Variants in ZNF366 observed in about 807,000 individuals in gnomAD.
ZNF366 encodes dendritic cell-specific transcript protein.
Under a neutral mutation model 47.2 loss-of-function variants are expected in ZNF366, and 20 were observed. The observed-to-expected ratio is 0.42, with a 90% CI of 0.30 to 0.62. The LOEUF (loss-of-function observed/expected upper bound fraction) is 0.62, where lower values mean the gene tolerates loss of function less well. Ranked by LOEUF, ZNF366 falls within the 20% of genes least tolerant of loss-of-function variation. ZNF366 has a pLI of 0.16. For missense variants in ZNF366, 987 were observed against 976.3 expected (o/e 1.01, Z -0.15); for synonymous variants, 421 against 395.1 (o/e 1.07, Z -0.78).
intron 3 of ZNF366, among the ~76,000 whole-genome samples, chr5:72,451,621 C>T (rs16878635): frequency 0.19 from 28,864 of 152,196 alleles, 3,049 homozygotes; most frequent in East Asian, 0.48. Flanking sequence ...GATTCTTTTA[C>T]ATTCCAGAAA....
intron 1 of ZNF366, among the ~76,000 whole-genome samples, chr5:72,503,686 T>A (rs1477163524): frequency 2.0e-5 from 3 of 152,220 alleles, no homozygotes; most frequent in South Asian, 4.1e-4. Flanking sequence ...AGAACAGCAG[T>A]GTTCTGACTC....
chr5:72,494,708 C>T (rs543206645), intron 1 of ZNF366, among the ~76,000 whole-genome samples: 12 of 151,684 alleles, frequency 7.9e-5, no homozygotes, highest in African/African-American at 2.9e-4. Flanking sequence ...AGATAAAACC[C>T]TTGCTTCTGC....
chr5:72,478,409 G>C (rs1014119863), intron 1 of ZNF366, among the ~76,000 whole-genome samples: 1 of 152,178 alleles, frequency 6.6e-6, no homozygotes, highest in Non-Finnish European at 1.5e-5. Flanking sequence ...CCATTTTATG[G>C]ATGAGAAATC....
intron 2 of ZNF366, among the ~76,000 whole-genome samples, chr5:72,456,940 T>C (rs1743201365): frequency 6.6e-6 from 1 of 152,114 alleles, no homozygotes; most frequent in Non-Finnish European, 1.5e-5. Context: ...TGATATGCAA[T>C]ATGAGTCCAT....
intron 1 of ZNF366, among the ~76,000 whole-genome samples, chr5:72,474,970 T>C (rs1386175648): frequency 6.6e-6 from 1 of 152,300 alleles, no homozygotes; most frequent in East Asian, 1.9e-4. Flanking sequence ...AGGGGTAGCA[T>C]AAAAGAATTG....
chr5:72,482,505 C>T (rs1743808193), intron 1 of ZNF366, among the ~76,000 whole-genome samples: 1 of 152,156 alleles, frequency 6.6e-6, no homozygotes, highest in East Asian at 1.9e-4. Flanking sequence ...TTTCAACAGA[C>T]AGGGGACACC....
chr5:72,451,512 T>G (rs1452199038), intron 3 of ZNF366, among the ~76,000 whole-genome samples: 2 of 152,228 alleles, frequency 1.3e-5, no homozygotes, highest in Non-Finnish European at 2.9e-5. Flanking sequence ...TGAAGGTTGT[T>G]GTGAGGATCA....
rs1742909951 is a variant in ZNF366, at chr5:72,444,061, T to A, written c.1930A>T (p.Thr644Ser). ...GACTTGGTGGACAGATCCTCGGGTG[T>A]GCAGAGCTGCTGGCTCTGGGGGGCC... ...GLAPQSQQLC[T>S]PEDLSTKSEH... The change falls in exon 5 of 5, where the codon ACA becomes TCA. Residue 644 changes from threonine to serine, a missense_variant. By Grantham distance (58) the Thr-to-Ser change is moderately conservative. Coordinates refer to ENST00000318442, the MANE Select transcript of ZNF366 (RefSeq NM_152625.3). 6.2e-7 allele frequency: 1 copy of A among 1,614,158 alleles called. No homozygotes were observed. Among genetic ancestry groups the A allele is most frequent in the South Asian group, 1.1e-5 (1 of 91,086 alleles).
chr5:72,460,973 G>A lies in ZNF366; in HGVS notation c.524C>T (p.Pro175Leu). 6.8e-6 allele frequency: 11 copies of A among 1,613,742 alleles called. No homozygotes were observed. The highest frequency in any genetic ancestry group is 1.3e-5 in the African/African-American group (1 of 75,028). ...TPTPFLPTPY[P>L]YYPKVHPGLM... ...GCCCGGGTGGACTTTGGGGTAGTAG[G>A]GGTAGGGCGTGGGCAGGAATGGAGT... The change falls in exon 2 of 5, where the codon CCC becomes CTC. Residue 175 changes from proline to leucine, a missense_variant. This residue lies in a region of ZNF366 where 591 missense variants were observed against 560.9 expected (regional missense o/e 1.05). Transcript: ENST00000318442.
At chr5:72,470,848 C>T (rs549790766) in intron 1 of ZNF366, among the ~76,000 whole-genome samples, 1 of 152,300 alleles carries the variant, frequency 6.6e-6, no homozygotes, top group South Asian at 2.1e-4. Context: ...GGGTAGTGCT[C>T]CTCAGAATGG....
At chr5:72,465,142 A>G (rs1268846676) in intron 1 of ZNF366, among the ~76,000 whole-genome samples, 4 of 152,230 alleles carry the variant, frequency 2.6e-5, no homozygotes, top group African/African-American at 9.6e-5. Context: ...CTTTCTGAAT[A>G]CAGATGTTTT....
chr5:72,480,330 G>A (rs914384397), intron 1 of ZNF366, among the ~76,000 whole-genome samples: 4 of 152,176 alleles, frequency 2.6e-5, no homozygotes, highest in African/African-American at 9.7e-5. Context: ...ATATTTTCTT[G>A]GAAGGTTTGG....
chr5:72,468,365 A>G (rs1743477011), intron 1 of ZNF366, among the ~76,000 whole-genome samples: 1 of 152,188 alleles, frequency 6.6e-6, no homozygotes, highest in South Asian at 2.1e-4. Context: ...CCATTTTGTT[A>G]TAAAAATAAT....
At chr5:72,456,703 G>A in intron 2 of ZNF366, 108 bp from the exon 3 acceptor site, 1 of 1,151,370 alleles carries the variant, frequency 8.7e-7, no homozygotes, top group Non-Finnish European at 1.2e-6. Flanking sequence ...AAAGAGCTTG[G>A]TGATAGATGT....
At chr5:72,470,804 G>A (rs537884756) in intron 1 of ZNF366, among the ~76,000 whole-genome samples, 40 of 152,326 alleles carry the variant, frequency 2.6e-4, no homozygotes, top group African/African-American at 9.4e-4. Flanking sequence ...TCTCCCATGA[G>A]GAAGGTGCTT....
At position 72,460,579 on chromosome 5, in the gene ZNF366, C is replaced by T. The variant is rs554241771; in HGVS notation, c.918G>A (p.Thr306=). 6.8e-6 allele frequency: 11 copies of T among 1,614,102 alleles called. No individual in the cohort carries two copies. Among genetic ancestry groups the T allele is most frequent in the African/African-American group, 5.3e-5 (4 of 75,058 alleles). ...LHTHMLTHQG[T]RPHKCQVCHK... is the part of the protein sequence containing the mutation. The stretch of plus-strand genomic sequence containing the variant: ...GGCACACCTGGCACTTGTGGGGCCG[C>T]GTGCCCTGGTGGGTCAGCATGTGGG... Residue 306 remains threonine, a synonymous_variant, in exon 2 of 5, where the codon ACG becomes ACA. Transcript: ENST00000318442.
chr5:72,463,439 A>G (rs1446704495), intron 1 of ZNF366, among the ~76,000 whole-genome samples: 5 of 152,252 alleles, frequency 3.3e-5, no homozygotes, highest in African/African-American at 1.2e-4. Context: ...GAGTGGAAAG[A>G]TAGCCCTGGC....
chr5:72,447,457 G>C, intron 3 of ZNF366, 40 bp from the exon 4 acceptor site: 3 of 1,608,490 alleles, frequency 1.9e-6, no homozygotes, highest in Non-Finnish European at 2.5e-6. Context: ...TACTCTGCCC[G>C]AGTGAAGCCC....
chr5:72,506,660 C>T (rs1247138813), intron 1 of ZNF366, among the ~76,000 whole-genome samples: 2 of 152,190 alleles, frequency 1.3e-5, no homozygotes, highest in Non-Finnish European at 2.9e-5. Flanking sequence ...ACACTCAACC[C>T]GCATGGGGAA....
Sources: gnomAD v4.1 joint callset for allele counts (sites outside exome capture counted in the v4.1 genomes callset) on GRCh38, gnomAD v4.1.1 for gene constraint, gnomAD v4.1.1 regional missense constraint, MANE v1.5 for transcripts, NCBI Gene and HGNC (gene_info 2026-07-23, HGNC 2026-07-21) for gene names.